DGKI: variants seen among roughly 807,000 people sequenced by gnomAD.
DGKI encodes DAG kinase iota.
In DGKI, 55 loss-of-function variants were observed where a neutral mutation model predicts 147.5. That is an observed-to-expected ratio of 0.37 (90% CI 0.30 to 0.47). DGKI has a LOEUF of 0.47. Ranked by LOEUF, DGKI falls within the 20% of genes least tolerant of loss-of-function variation. The pLI is 1.00. For synonymous variants in DGKI, 469 were observed against 477.1 expected (o/e 0.98, Z 0.22); for missense variants, 1,007 against 1,323.8 (o/e 0.76, Z 3.71).
chr7:137,498,456 A>G (rs1360528183), intron 21 of DGKI, among the ~76,000 whole-genome samples: 1 of 152,118 alleles, frequency 6.6e-6, no homozygotes, highest in African/African-American at 2.4e-5. Flanking sequence ...GCCAAGCACA[A>G]TAACTACAGA....
intron 1 of DGKI, among the ~76,000 whole-genome samples, chr7:137,816,544 A>G (rs982710125): frequency 3.9e-5 from 6 of 152,218 alleles, no homozygotes; most frequent in Non-Finnish European, 8.8e-5. Flanking sequence ...TTTTCCATGC[A>G]TTTTCCAATG....
In DGKI at chr7:137,571,290, C is replaced by T. The variant is rs1818785793; in HGVS notation, c.1836-4G>A. 1 of 1,603,024 alleles carries T rather than the reference C, an allele frequency of 6.2e-7. No individual in the cohort carries two copies. Among genetic ancestry groups the T allele is most frequent in the Non-Finnish European group, 8.5e-7 (1 of 1,172,582 alleles). On this transcript the variant is annotated splice_polypyrimidine_tract_variant and splice_region_variant and intron_variant, in intron 18 of 32. Coordinates refer to ENST00000614521, the MANE Select transcript of DGKI (RefSeq NM_001321708.2). ...GGGCATTGTGCCAGCACAATATCTG[C>T]AAGAGAAGATTAAAGACAGAAGTAA...
chr7:137,844,387 A>AT (rs1458178155), intron 1 of DGKI, among the ~76,000 whole-genome samples: 4 of 152,138 alleles, frequency 2.6e-5, no homozygotes, highest in Non-Finnish European at 4.4e-5. Flanking sequence ...TGGGGGCAAA[A>AT]TAGGGTGGCA....
intron 21 of DGKI, among the ~76,000 whole-genome samples, chr7:137,490,254 C>T (rs954244531): frequency 3.3e-5 from 5 of 152,176 alleles, no homozygotes; most frequent in African/African-American, 1.2e-4. Flanking sequence ...TTGCTTTGGT[C>T]TTGCAAATTA....
intron 23 of DGKI, among the ~76,000 whole-genome samples, chr7:137,483,540 C>T (rs1815445488): frequency 6.6e-6 from 1 of 151,998 alleles, no homozygotes; most frequent in Non-Finnish European, 1.5e-5. Context: ...ACCCATCAAC[C>T]CATACCCTAG....
intron 11 of DGKI, among the ~76,000 whole-genome samples, chr7:137,598,816 G>T (rs983699781): frequency 7.9e-5 from 12 of 151,736 alleles, no homozygotes; most frequent in African/African-American, 2.9e-4. Context: ...CACATCCCAG[G>T]ATAGCAGATT....
chr7:137,800,617 A>G (rs182844780), intron 1 of DGKI, among the ~76,000 whole-genome samples: 3 of 152,184 alleles, frequency 2.0e-5, no homozygotes, highest in Admixed American at 2.0e-4. Flanking sequence ...CAAATTACCT[A>G]GTCTCAGGTT....
intron 1 of DGKI, among the ~76,000 whole-genome samples, chr7:137,742,683 T>C (rs1453334877): frequency 6.6e-6 from 1 of 152,092 alleles, no homozygotes; most frequent in Admixed American, 6.5e-5. Context: ...TAGCCAATGT[T>C]TTACTCAATG....
intron 1 of DGKI, among the ~76,000 whole-genome samples, chr7:137,743,882 C>T (rs965678216): frequency 6.6e-6 from 1 of 151,308 alleles, no homozygotes; most frequent in Non-Finnish European, 1.5e-5. Context: ...ACTCGGGAGG[C>T]TGAGGCAGGA....
intron 1 of DGKI, among the ~76,000 whole-genome samples, chr7:137,800,484 C>T (rs968749965): frequency 6.6e-6 from 1 of 152,144 alleles, no homozygotes; most frequent in Non-Finnish European, 1.5e-5. Context: ...ATGTGAGACA[C>T]CTGCTCCCTC....
chr7:137,680,530 A>G (rs945624668), intron 2 of DGKI, among the ~76,000 whole-genome samples: 4 of 152,204 alleles, frequency 2.6e-5, no homozygotes, highest in African/African-American at 9.7e-5. Flanking sequence ...CTGTAATCCC[A>G]GCGCTTCAGG....
In DGKI at chr7:137,391,109, G is replaced by T; in HGVS notation, c.*111C>A. ...GCATGGTCTCAGGTAGATTCTTGCAGGAGAGAGACAGATATATGAATTCCA... is the reference window on the plus strand; with the variant it reads ...GCATGGTCTCAGGTAGATTCTTGCATGAGAGAGACAGATATATGAATTCCA... On this transcript the variant is annotated 3_prime_UTR_variant, in exon 33 of 33. Coordinates refer to ENST00000614521, the MANE Select transcript of DGKI (RefSeq NM_001321708.2). 1.2e-6 allele frequency: 1 copy of T among 862,642 alleles called. No homozygotes were observed. The highest frequency in any genetic ancestry group is 2.0e-6 in the Non-Finnish European group (1 of 506,286). The allele number at this position is 862,642 out of a possible 1,614,324, so 53.4% of individuals were successfully genotyped here. A position where few individuals can be genotyped will look rare whatever the true frequency, so the allele number is the denominator to read the frequency against.
At chr7:137,542,154 T>C (rs1191755858) in intron 20 of DGKI, among the ~76,000 whole-genome samples, 1 of 152,200 alleles carries the variant, frequency 6.6e-6, no homozygotes, top group Non-Finnish European at 1.5e-5. Context: ...GGAATGATCA[T>C]ATATTGCTGG....
chr7:137,740,224 G>A (rs140790430), intron 1 of DGKI, among the ~76,000 whole-genome samples: 1 of 152,270 alleles, frequency 6.6e-6, no homozygotes, highest in Non-Finnish European at 1.5e-5. Context: ...TAAGTTTAAA[G>A]TATCTTGGTT....
chr7:137,825,623 C>A (rs1366058116), intron 1 of DGKI, among the ~76,000 whole-genome samples: 1 of 151,932 alleles, frequency 6.6e-6, no homozygotes, highest in African/African-American at 2.4e-5. Flanking sequence ...CAGACACACA[C>A]ACACTCTCAC....
Position 137,477,413 on chromosome 7 carries a change from A to C in DGKI, c.2374-7794T>G, listed in dbSNP as rs966388174. Among the ~76,000 whole-genome samples, 33 of 152,338 alleles carry C rather than the reference A, an allele frequency of 2.2e-4. 1 individual carries two copies. The highest frequency in any genetic ancestry group is 1.8e-3 in the Admixed American group (28 of 15,304). On this transcript the variant is annotated intron_variant, in intron 23 of 32. Coordinates refer to ENST00000614521, the MANE Select transcript of DGKI (RefSeq NM_001321708.2). Reference sequence around the variant, plus strand: ...ATTTCTGTTATGATTTTATTTTTGAAGTACCATAAAGTTTATTGGAATTTT... The same window carrying C: ...ATTTCTGTTATGATTTTATTTTTGACGTACCATAAAGTTTATTGGAATTTT...
chr7:137,411,261 G>A (rs958996468), intron 29 of DGKI, among the ~76,000 whole-genome samples: 2 of 152,086 alleles, frequency 1.3e-5, no homozygotes, highest in African/African-American at 4.8e-5. Context: ...GGGCATATGG[G>A]CAGTCATCAG....
intron 6 of DGKI, among the ~76,000 whole-genome samples, chr7:137,634,785 G>A (rs769714209): frequency 3.9e-5 from 6 of 152,132 alleles, no homozygotes; most frequent in East Asian, 1.9e-4. Context: ...TGGTATATAC[G>A]TCCAGGCCAA....
intron 1 of DGKI, among the ~76,000 whole-genome samples, chr7:137,784,987 T>C (rs1796621939): frequency 6.6e-6 from 1 of 151,980 alleles, no homozygotes; most frequent in South Asian, 2.1e-4. Flanking sequence ...AAGAGGAAAG[T>C]TCATAGCATT....
Sources: allele counts gnomAD v4.1 joint callset (sites outside exome capture counted in the v4.1 genomes callset), GRCh38; gene constraint gnomAD v4.1.1; transcripts MANE v1.5; gene names NCBI Gene and HGNC (gene_info 2026-07-23, HGNC 2026-07-21).